The following FARS2 variants were observed in gnomAD, a reference collection of about 807,000 sequenced individuals.
FARS2 encodes the protein phenylalanine--tRNA ligase, mitochondrial.
Under a neutral mutation model 46.4 loss-of-function variants are expected in FARS2, and 40 were observed. The ratio of observed to expected loss-of-function variants is 0.86; its 90% CI spans 0.67 to 1.12. The LOEUF is 1.12. FARS2 is among the 50% of genes most tolerant of loss of function. The pLI, the probability that FARS2 is intolerant of heterozygous loss-of-function variation, is 0.00. For missense variants in FARS2, 513 were observed against 567.9 expected (o/e 0.90, Z 0.98); for synonymous variants, 234 against 214.9 (o/e 1.09, Z -0.78).
intron 2 of FARS2, among the ~76,000 whole-genome samples, chr6:5,403,920 C>A (rs1761404936): frequency 6.6e-6 from 1 of 152,152 alleles, no homozygotes; most frequent in South Asian, 2.1e-4. Context: ...CTTATTTAGC[C>A]ATTGGAATGT....
At chr6:5,487,751 G>T (rs1042086589) in intron 4 of FARS2, among the ~76,000 whole-genome samples, 1 of 152,156 alleles carries the variant, frequency 6.6e-6, no homozygotes. Flanking sequence ...GAAAATGAAT[G>T]GTTTGACCAG....
chr6:5,272,530 T>C (rs188206470), intron 1 of FARS2: 6 of 152,278 alleles, frequency 3.9e-5, no homozygotes, highest in Admixed American at 3.3e-4. Flanking sequence ...ATTTATTTAT[T>C]TTTATTGATA....
chr6:5,568,665 T>C (rs748110880), intron 5 of FARS2, among the ~76,000 whole-genome samples: 5 of 152,092 alleles, frequency 3.3e-5, no homozygotes, highest in Non-Finnish European at 5.9e-5. Context: ...GCTGAGTTAG[T>C]GTGGGGAATG....
chr6:5,609,910 G>A (rs566069182), intron 5 of FARS2: 2 of 1,119,672 alleles, frequency 1.8e-6, no homozygotes, highest in African/African-American at 1.5e-5. Flanking sequence ...GGCATCTGGT[G>A]TTTGAGAATC....
chr6:5,367,543 T>A (rs905943020), intron 1 of FARS2, among the ~76,000 whole-genome samples: 4 of 151,832 alleles, frequency 2.6e-5, no homozygotes, highest in Admixed American at 6.6e-5. Context: ...ACCTTAGAGT[T>A]TTGCCAGTTA....
rs192853728 is a variant in FARS2, at chr6:5,578,393, T to G, written c.1065+33053T>G. ...TCCTCTTCACAGTACCCAGCTTGTG[T>G]CTCGTTCCATGTGTGAATGGCTGTG... On this transcript the variant is annotated intron_variant, in intron 5 of 6. Transcript: ENST00000274680. Among the ~76,000 whole-genome samples, 5 of 152,268 alleles carry G rather than the reference T, an allele frequency of 3.3e-5. No individual in the cohort carries two copies. The East Asian group carries it at 9.6e-4, about 29-fold the overall frequency.
intron 5 of FARS2, chr6:5,609,337 T>G (rs1403714396): frequency 8.4e-7 from 1 of 1,190,536 alleles, no homozygotes; most frequent in Non-Finnish European, 1.2e-6. Context: ...GGACCAGAGC[T>G]TCTGCCTCCA....
At chr6:5,462,663 TG>T (rs1765306474) in intron 4 of FARS2, among the ~76,000 whole-genome samples, 1 of 152,256 alleles carries the variant, frequency 6.6e-6, no homozygotes, top group Non-Finnish European at 1.5e-5. Context: ...TGAATTGCCT[TG>T]GTATCTTTGT....
At chr6:5,534,916 C>T (rs1016992258) in intron 4 of FARS2, among the ~76,000 whole-genome samples, 15 of 150,668 alleles carry the variant, frequency 1.0e-4, no homozygotes, top group Non-Finnish European at 1.5e-5. Context: ...TGGTCAAATT[C>T]GTGTTTAACT....
At chr6:5,445,884 C>T (rs897424650) in intron 4 of FARS2, among the ~76,000 whole-genome samples, 1 of 152,100 alleles carries the variant, frequency 6.6e-6, no homozygotes, top group African/African-American at 2.4e-5. Flanking sequence ...GAAGCAGGGA[C>T]AAACTACAGT....
chr6:5,526,736 T>C (rs1325778139), intron 4 of FARS2, among the ~76,000 whole-genome samples: 1 of 151,990 alleles, frequency 6.6e-6, no homozygotes, highest in Non-Finnish European at 1.5e-5. Flanking sequence ...CTCACCTCAG[T>C]CTCCCGAGTA....
chr6:5,741,955 A>G (rs1368916493), intron 6 of FARS2, among the ~76,000 whole-genome samples: 1 of 152,102 alleles, frequency 6.6e-6, no homozygotes, highest in Non-Finnish European at 1.5e-5. Flanking sequence ...CCCAGCTGGG[A>G]CTTCTCTTTA....
At chr6:5,309,099 A>G (rs1018418552) in intron 1 of FARS2, among the ~76,000 whole-genome samples, 1 of 152,242 alleles carries the variant, frequency 6.6e-6, no homozygotes, top group Non-Finnish European at 1.5e-5. Flanking sequence ...CATTGAGTTT[A>G]TAGCAACTAT....
intron 6 of FARS2, among the ~76,000 whole-genome samples, chr6:5,733,186 A>C (rs953423008): frequency 6.6e-6 from 1 of 152,238 alleles, no homozygotes; most frequent in African/African-American, 2.4e-5. Context: ...CAATTGCTGT[A>C]TAGAATTAAA....
At chr6:5,296,668 A>G (rs1295178959) in intron 1 of FARS2, among the ~76,000 whole-genome samples, 1 of 152,192 alleles carries the variant, frequency 6.6e-6, no homozygotes, top group South Asian at 2.1e-4. Context: ...GAGTGGAATC[A>G]TACAGTATTT....
intron 6 of FARS2, among the ~76,000 whole-genome samples, chr6:5,746,996 G>A (rs1399357158): frequency 1.3e-5 from 2 of 152,200 alleles, no homozygotes; most frequent in African/African-American, 4.8e-5. Flanking sequence ...TAACAGATGA[G>A]CAAAGACATG....
intron 1 of FARS2, among the ~76,000 whole-genome samples, chr6:5,295,213 C>A (rs1310721328): frequency 2.0e-5 from 3 of 152,158 alleles, no homozygotes; most frequent in Admixed American, 6.5e-5. Context: ...TACGTTATAT[C>A]CTCACAATAA....
chr6:5,491,536 G>A (rs1010140972), intron 4 of FARS2, among the ~76,000 whole-genome samples: 4 of 152,050 alleles, frequency 2.6e-5, no homozygotes, highest in Admixed American at 6.5e-5. Flanking sequence ...AACGTTTTCC[G>A]TATCATTAAT....
chr6:5,397,560 T>C (rs368837997), intron 2 of FARS2, among the ~76,000 whole-genome samples: 1 of 152,322 alleles, frequency 6.6e-6, no homozygotes, highest in African/African-American at 2.4e-5. Flanking sequence ...TTATATGGGA[T>C]ATCTCTGTAT....
Sources: allele counts gnomAD v4.1 joint callset (sites outside exome capture counted in the v4.1 genomes callset), GRCh38; gene constraint gnomAD v4.1.1; transcripts MANE v1.5; gene names NCBI Gene and HGNC (gene_info 2026-07-23, HGNC 2026-07-21).